The following GUCA1C variants were observed in gnomAD, a reference collection of about 807,000 sequenced individuals.
The protein encoded by GUCA1C is guanylate cyclase activator 1C.
GUCA1C carries 15 observed loss-of-function variants against 16.2 expected under a neutral mutation model. The ratio of observed to expected loss-of-function variants is 0.93; its 90% CI spans 0.62 to 1.43. GUCA1C has a LOEUF of 1.43. Ranked by LOEUF, GUCA1C falls within the 40% of genes most tolerant of loss-of-function variation. GUCA1C has a pLI of 0.00. For synonymous variants in GUCA1C, 78 were observed against 85.4 expected, an observed-to-expected ratio of 0.91 and a Z score of 0.48; for missense variants, 275 against 244.8, an observed-to-expected ratio of 1.12 and a Z score of -0.82.
intron 1 of GUCA1C, among the ~76,000 whole-genome samples, chr3:108,937,003 C>A (rs1041936350): frequency 5.3e-5 from 8 of 152,086 alleles, no homozygotes; most frequent in African/African-American, 1.9e-4. Context: ...CCTCTGCCAC[C>A]CGCCCGTAAG....
At chr3:108,909,085 T>G (rs1016207861) in intron 3 of GUCA1C, among the ~76,000 whole-genome samples, 2 of 152,204 alleles carry the variant, frequency 1.3e-5, no homozygotes. Context: ...AGTCAGGTGT[T>G]AGGCTGTACC....
intron 3 of GUCA1C, among the ~76,000 whole-genome samples, chr3:108,908,476 T>C (rs918824267): frequency 1.1e-4 from 16 of 152,264 alleles, no homozygotes; most frequent in South Asian, 8.3e-4. Flanking sequence ...AGAGCACATA[T>C]GCAATTATAT....
intron 3 of GUCA1C, among the ~76,000 whole-genome samples, chr3:108,910,743 G>A (rs530479260): frequency 1.4e-4 from 21 of 151,336 alleles, no homozygotes; most frequent in Non-Finnish European, 2.7e-4. Context: ...TCCGCCTCCC[G>A]GGTTCACATC....
intron 1 of GUCA1C, among the ~76,000 whole-genome samples, chr3:108,931,459 C>T (rs1946664938): frequency 6.6e-6 from 1 of 152,226 alleles, no homozygotes; most frequent in Non-Finnish European, 1.5e-5. Context: ...CAAGGGCATC[C>T]TCTTTCAAAA....
intron 1 of GUCA1C, among the ~76,000 whole-genome samples, chr3:108,951,583 G>A (rs1946896502): frequency 6.6e-6 from 1 of 152,138 alleles, no homozygotes; most frequent in Admixed American, 6.5e-5. Flanking sequence ...CTTTTCCTGT[G>A]CATAATTGCA....
chr3:108,913,765 A>T (rs1393392516), intron 3 of GUCA1C, among the ~76,000 whole-genome samples: 1 of 152,024 alleles, frequency 6.6e-6, no homozygotes, highest in Non-Finnish European at 1.5e-5. Context: ...TATTTTTTTT[A>T]CTTAAAATAC....
At chr3:108,908,675 A>G (rs1456440781) in intron 3 of GUCA1C, among the ~76,000 whole-genome samples, 1 of 152,222 alleles carries the variant, frequency 6.6e-6, no homozygotes, top group Non-Finnish European at 1.5e-5. Flanking sequence ...ACATGTGTTC[A>G]TTCCACAGGT....
rs781686520 is a variant in GUCA1C, at chr3:108,908,121, A to G, written c.531T>C (p.Asn177=). 6.2e-7 allele frequency: 1 copy of G among 1,613,580 alleles called. No individual in the cohort carries two copies. Among genetic ancestry groups the G allele is most frequent in the Non-Finnish European group, 8.5e-7 (1 of 1,179,504 alleles). The change falls in exon 4 of 4, where the codon AAT becomes AAC. Residue 177 remains asparagine (N), a synonymous_variant. Coordinates refer to ENST00000261047, the MANE Select transcript of GUCA1C (RefSeq NM_005459.4). ...EIVYKSFDFS[N]VLRVICNGKQ... ...TCCCATTACAGATTACTCTCAGCAC[A>G]TTGGAGAAGTCGAAGCTCTTGTAAA...
intron 1 of GUCA1C, among the ~76,000 whole-genome samples, chr3:108,940,217 T>G (rs919489319): frequency 3.3e-5 from 5 of 152,244 alleles, no homozygotes; most frequent in African/African-American, 1.2e-4. Flanking sequence ...TGATTTACAA[T>G]GTAATATAAG....
At position 108,938,276 on chromosome 3, in the gene GUCA1C, T is replaced by C. The variant is rs530685297; in HGVS notation, c.204+15283A>G. Among the ~76,000 whole-genome samples, 56 of 152,312 alleles carry C rather than the reference T, an allele frequency of 3.7e-4. No individual in the cohort carries two copies. In the East Asian group the frequency reaches 0.011, roughly 29 times the overall value. On this transcript the variant is annotated intron_variant, in intron 1 of 3. Coordinates refer to ENST00000261047, the MANE Select transcript of GUCA1C (RefSeq NM_005459.4). ...CTATCTGTGAAAAATTCATGAATTT[T>C]CACAGCCCCATAACCTGAAGACATT...
chr3:108,921,986 A>G (rs931342744), intron 1 of GUCA1C, among the ~76,000 whole-genome samples: 2 of 152,074 alleles, frequency 1.3e-5, no homozygotes, highest in African/African-American at 4.8e-5. Context: ...TTGCATCCTC[A>G]TAGCTTAACT....
intron 1 of GUCA1C, among the ~76,000 whole-genome samples, chr3:108,928,261 T>C (rs1946639827): frequency 1.3e-5 from 2 of 152,232 alleles, no homozygotes; most frequent in Admixed American, 1.3e-4. Context: ...AGCTGCAAGC[T>C]AGTCCTGCCC....
intron 1 of GUCA1C, among the ~76,000 whole-genome samples, chr3:108,943,261 A>C (rs1253503458): frequency 1.3e-5 from 2 of 152,148 alleles, no homozygotes; most frequent in East Asian, 3.8e-4. Flanking sequence ...TGTGAGAGCC[A>C]AGAATGGTTG....
At chr3:108,945,849 A>G (rs2107315938) in intron 1 of GUCA1C, among the ~76,000 whole-genome samples, 1 of 152,336 alleles carries the variant, frequency 6.6e-6, no homozygotes, top group African/African-American at 2.4e-5. Flanking sequence ...CTAAAAGAGA[A>G]GTATTTAATT....
chr3:108,925,695 G>T (rs1946616706), intron 1 of GUCA1C, among the ~76,000 whole-genome samples: 1 of 152,220 alleles, frequency 6.6e-6, no homozygotes, highest in Non-Finnish European at 1.5e-5. Flanking sequence ...CTGTCTTAAT[G>T]ACCTGTGTAG....
chr3:108,953,651 G>C lies in GUCA1C; in HGVS notation c.112C>G (p.His38Asp). ...AGACCCAAAAGTGTCTTAAATTCAT[G>C]TAGTGTTTGCAGGCCGGATGGATAT... ...MEYPSGLQTL[H>D]EFKTLLGLQG... The change falls in exon 1 of 4, where the codon CAT becomes GAT. Residue 38 changes from histidine to aspartate, a missense_variant. Physicochemically the swap from His to Asp is moderately conservative, Grantham distance 81. Transcript: ENST00000261047. 6.2e-7 allele frequency: 1 copy of C among 1,612,604 alleles called. No homozygotes were observed. The highest frequency in any genetic ancestry group is 1.3e-5 in the African/African-American group (1 of 75,008).
At chr3:108,916,567 A>G (rs539578865) in intron 2 of GUCA1C, among the ~76,000 whole-genome samples, 35 of 152,358 alleles carry the variant, frequency 2.3e-4, no homozygotes, top group African/African-American at 7.5e-4. Context: ...AATTTCAGAC[A>G]GATTGATTTG....
intron 1 of GUCA1C, among the ~76,000 whole-genome samples, chr3:108,923,138 CTGAT>C (rs1436352406): frequency 2.0e-5 from 3 of 152,252 alleles, no homozygotes; most frequent in South Asian, 4.1e-4. Flanking sequence ...GTAAACTCTG[CTGAT>C]TATTTCTTTC....
At position 108,942,472 on chromosome 3, in the gene GUCA1C, C is replaced by T. The variant is rs376576769; in HGVS notation, c.204+11087G>A. Among the ~76,000 whole-genome samples, 4 of 152,272 alleles carry T rather than the reference C, an allele frequency of 2.6e-5. No homozygotes were observed. In the East Asian group the frequency reaches 5.8e-4, roughly 22 times the overall value. ...AATCTCGATATAACTTTTTTCCTCACCTAGGTTATAAATTATTCGAGGGAA... is the reference window on the plus strand; with the variant it reads ...AATCTCGATATAACTTTTTTCCTCATCTAGGTTATAAATTATTCGAGGGAA... On this transcript the variant is annotated intron_variant, in intron 1 of 3. Transcript: ENST00000261047.
Sources: allele counts gnomAD v4.1 joint callset (sites outside exome capture counted in the v4.1 genomes callset), GRCh38; gene constraint gnomAD v4.1.1; transcripts MANE v1.5; gene names NCBI Gene and HGNC (gene_info 2026-07-23, HGNC 2026-07-21).